Variants in ZNF395 observed in about 807,000 individuals in gnomAD.
ZNF395 encodes the protein HD gene regulatory region-binding protein 2.
In ZNF395, 20 loss-of-function variants were observed where a neutral mutation model predicts 57.7. That is an observed-to-expected ratio of 0.35 (90% CI 0.24 to 0.50). The LOEUF (loss-of-function observed/expected upper bound fraction) is 0.50, where lower values mean the gene tolerates loss of function less well. Ranked by LOEUF, ZNF395 falls within the 20% of genes least tolerant of loss-of-function variation. The probability of loss-of-function intolerance (pLI) is 0.97; values close to 1 mark genes in which losing one functional copy is unlikely to be tolerated. For missense variants in ZNF395, 606 were observed against 671.2 expected (o/e 0.90, Z 1.07); for synonymous variants, 295 against 275.9 (o/e 1.07, Z -0.69).
chr8:28,356,369 C>A lies in ZNF395; in HGVS notation c.583+301G>T, dbSNP rs998313991. ...CTCTATTGGCCTCATTCAGACCCCA[C>A]CAAAGTGCTGGGCTCAGCCACTCCC... is the stretch of plus-strand genomic sequence containing the variant. On this transcript the variant is annotated intron_variant, in intron 4 of 9. Transcript: ENST00000344423. The surrounding 1 kb of genome is among the most constrained non-coding windows in gnomAD (Gnocchi z 4.0). 1.3e-5 allele frequency among the ~76,000 whole-genome samples: 2 copies of A among 152,224 alleles called. No homozygotes were observed. Among genetic ancestry groups the A allele is most frequent in the Admixed American group, 6.5e-5 (1 of 15,278 alleles).
In ZNF395 at chr8:28,353,312, A is replaced by G. The variant is rs776867373; in HGVS notation, c.680T>C (p.Val227Ala). 1 of 1,606,960 alleles carries G rather than the reference A, an allele frequency of 6.2e-7. No homozygotes were observed. The highest frequency in any genetic ancestry group is 1.1e-5 in the South Asian group (1 of 89,938). ...TSGHWSGSSG[V>A]STPSPPHPQA... ...GGGGTGGGGGGGCGAGGGGGTGGAG[A>G]CACCACTGCTCCCACTCCAGTGACC... The change falls in exon 5 of 10, where the codon GTC (valine) becomes GCC (alanine). Residue 227 changes from valine to alanine, a missense_variant. By Grantham distance (64) the Val-to-Ala change is moderately conservative (BLOSUM62 0). Transcript: ENST00000344423.
rs143360798 is a variant in ZNF395, at chr8:28,380,307, C to T, written c.-59+6086G>A. Among the ~76,000 whole-genome samples, 6 of 152,330 alleles carry T rather than the reference C, an allele frequency of 3.9e-5. No individual in the cohort carries two copies. The East Asian group carries it at 1.2e-3, about 29-fold the overall frequency. On this transcript the variant is annotated intron_variant, in intron 1 of 9. Transcript: ENST00000344423. ...TTCAAATTTTTAAACCTAAATCAGACTTTAAATTCATCCCTTACTGAATTT... is the reference window on the plus strand; with the variant it reads ...TTCAAATTTTTAAACCTAAATCAGATTTTAAATTCATCCCTTACTGAATTT...
In ZNF395 at chr8:28,359,547, C is replaced by A. The variant is rs547382838; in HGVS notation, c.473+45G>T. The A allele has an allele frequency of 5.2e-6, 8 of 1,546,062 alleles. No homozygotes were observed. The East Asian group carries it at 1.8e-4, about 35-fold the overall frequency. On this transcript the variant is annotated intron_variant, in intron 3 of 9. Transcript: ENST00000344423. This position sits in a 1 kb window ranked among gnomAD's most constrained non-coding sequence, Gnocchi z 4.7. ...ACACAGCCCACACCCTTACACCACACTACCCACGTGACTTTTAAAACCCAG... is the reference window on the plus strand; with the variant it reads ...ACACAGCCCACACCCTTACACCACAATACCCACGTGACTTTTAAAACCCAG...
intron 1 of ZNF395, among the ~76,000 whole-genome samples, chr8:28,362,343 A>G (rs1319155323): frequency 6.6e-6 from 1 of 152,200 alleles, no homozygotes; most frequent in Non-Finnish European, 1.5e-5. Context: ...CTCCTCCTAC[A>G]GAGCACACGT....
chr8:28,370,819 G>C (rs986677801), intron 1 of ZNF395, among the ~76,000 whole-genome samples: 1 of 152,168 alleles, frequency 6.6e-6, no homozygotes, highest in Admixed American at 6.5e-5. Flanking sequence ...CAGCAGAAGA[G>C]GAGAATCTTT....
intron 1 of ZNF395, among the ~76,000 whole-genome samples, chr8:28,374,211 G>A (rs1454664449): frequency 1.3e-5 from 2 of 152,200 alleles, no homozygotes; most frequent in East Asian, 1.9e-4. Context: ...TGTTGAGGGA[G>A]GGAGAGGCAA....
chr8:28,386,328 C>G (rs1440166357), intron 1 of ZNF395, 65 bp downstream of exon 1: 1 of 147,072 alleles, frequency 6.8e-6, no homozygotes, highest in Non-Finnish European at 1.5e-5. Context: ...CACCCCCGCC[C>G]GCCCCCCGCG....
At chr8:28,355,294 C>T (rs780003227) in intron 4 of ZNF395, among the ~76,000 whole-genome samples, 14 of 152,142 alleles carry the variant, frequency 9.2e-5, no homozygotes, top group Admixed American at 2.0e-4. Flanking sequence ...CAAATAGTAT[C>T]TACGACTCTC....
At chr8:28,364,302 G>A (rs1419614187) in intron 1 of ZNF395, among the ~76,000 whole-genome samples, 1 of 152,118 alleles carries the variant, frequency 6.6e-6, no homozygotes, top group Admixed American at 6.6e-5. Context: ...ACTCAATTAA[G>A]TTGATTTTCA....
chr8:28,353,801 G>A (rs1215028976), intron 4 of ZNF395, among the ~76,000 whole-genome samples: 4 of 152,166 alleles, frequency 2.6e-5, no homozygotes, highest in Admixed American at 6.5e-5. Flanking sequence ...GGGGGATGGG[G>A]AGGGGGAAGG....
rs1801831943 is a variant in ZNF395, at chr8:28,360,227, G to A, written c.241-403C>T. Reference sequence around the variant, plus strand: ...GTCTACCTGGGGACAAGGTGGCAGGGGTGCAGAGACAGGCCAACCTCTCAA... The same window carrying A: ...GTCTACCTGGGGACAAGGTGGCAGGAGTGCAGAGACAGGCCAACCTCTCAA... On this transcript the variant is annotated intron_variant, in intron 2 of 9. Transcript: ENST00000344423. 3.9e-5 allele frequency among the ~76,000 whole-genome samples: 6 copies of A among 152,208 alleles called. No homozygotes were observed. In the South Asian group the frequency reaches 1.2e-3, roughly 31 times the overall value.
At chr8:28,353,451 T>A in intron 4 of ZNF395, 43 bp from the exon 5 acceptor site, 1 of 1,424,966 alleles carries the variant, frequency 7.0e-7, no homozygotes, top group Non-Finnish European at 9.3e-7. Flanking sequence ...CACGGGCGTG[T>A]CCCTGGGCAA....
chr8:28,353,292 G>C lies in ZNF395; in HGVS notation c.700C>G (p.His234Asp), dbSNP rs145352684. The C allele has an allele frequency of 3.6e-4, 578 of 1,606,260 alleles. 3 individuals carry two copies. In the African/African-American group the frequency reaches 6.3e-3, roughly 18 times the overall value. ...SSGVSTPSPP[H>D]PQASPKYLGD... Reference sequence around the variant, plus strand: ...AAATACTTGGGGCTGGCCTGGGGGTGGGGGGGCGAGGGGGTGGAGACACCA... The same window carrying C: ...AAATACTTGGGGCTGGCCTGGGGGTCGGGGGGCGAGGGGGTGGAGACACCA... The change falls in exon 5 of 10, where the codon CAC becomes GAC. Residue 234 changes from histidine (H) to aspartate (D), a missense_variant. Coordinates refer to ENST00000344423, the MANE Select transcript of ZNF395 (RefSeq NM_018660.3).
intron 1 of ZNF395, among the ~76,000 whole-genome samples, chr8:28,376,797 C>G (rs1416454880): frequency 6.6e-6 from 1 of 152,152 alleles, no homozygotes; most frequent in African/African-American, 2.4e-5. Context: ...CAAAAATTTT[C>G]AACTCTAGTT....
At chr8:28,385,853 C>A (rs1802172202) in intron 1 of ZNF395, among the ~76,000 whole-genome samples, 1 of 146,536 alleles carries the variant, frequency 6.8e-6, no homozygotes, top group Non-Finnish European at 1.5e-5. Context: ...CCTGCCGCAG[C>A]GTCCCGCGCC....
In ZNF395 at chr8:28,351,795, G is replaced by A; in HGVS notation, c.933C>T (p.Asp311=). The change falls in exon 7 of 10, where the codon GAC becomes GAT. Residue 311 remains aspartate (D), a synonymous_variant. Coordinates refer to ENST00000344423, the MANE Select transcript of ZNF395 (RefSeq NM_018660.3). The stretch of plus-strand genomic sequence containing the variant: ...CCTCCTCCCGCTTGAACTGATCAGA[G>A]TCCACTGTGTCCCTGTGTGGGAGGG... ...VKALHLGDTV[D]SDQFKREEDF... 1.3e-6 allele frequency: 2 copies of A among 1,552,644 alleles called. No homozygotes were observed. Among genetic ancestry groups the A allele is most frequent in the South Asian group, 2.4e-5 (2 of 83,826 alleles).
chr8:28,378,183 G>A (rs773710412), intron 1 of ZNF395, among the ~76,000 whole-genome samples: 1 of 152,002 alleles, frequency 6.6e-6, no homozygotes, highest in Non-Finnish European at 1.5e-5. Flanking sequence ...GCAGCCCTGG[G>A]TTCACAAACT....
At chr8:28,376,572 G>C (rs1802042604) in intron 1 of ZNF395, among the ~76,000 whole-genome samples, 1 of 152,000 alleles carries the variant, frequency 6.6e-6, no homozygotes, top group African/African-American at 2.4e-5. Context: ...AGTAAGCTGA[G>C]ATCGCACCAC....
rs141601441 is a variant in ZNF395, at chr8:28,356,692, G to A, written c.561C>T (p.Pro187=). The A allele has an allele frequency of 6.3e-5, 101 of 1,614,006 alleles. No homozygotes were observed. Among genetic ancestry groups the A allele is most frequent in the African/African-American group, 2.1e-4 (16 of 74,926 alleles). The change falls in exon 4 of 10, where the codon CCC becomes CCT. Residue 187 remains proline, a synonymous_variant. Transcript: ENST00000344423. This position sits in a 1 kb window ranked among gnomAD's most constrained non-coding sequence, Gnocchi z 4.0. ...LSCSPVVQSP[P]GTEANFSASR... ...CACCAGAGAAGTTGGCCTCGGTCCC[G>A]GGAGGACTCTGTACAACAGGGCTGC...
Sources: gnomAD v4.1 joint callset for allele counts (sites outside exome capture counted in the v4.1 genomes callset) on GRCh38, gnomAD v4.1.1 for gene constraint, Gnocchi (gnomAD v3.1) non-coding constraint, MANE v1.5 for transcripts, NCBI Gene and HGNC (gene_info 2026-07-23, HGNC 2026-07-21) for gene names.